CAPN5: variants seen among roughly 807,000 people sequenced by gnomAD.
The protein encoded by CAPN5 is calpain-5.
Under a neutral mutation model 73.0 loss-of-function variants are expected in CAPN5, and 54 were observed. That is an observed-to-expected ratio of 0.74 (90% CI 0.59 to 0.93). CAPN5 has a LOEUF of 0.93. CAPN5 is among the 40% of genes least tolerant of loss of function. CAPN5 has a pLI of 0.00. For synonymous variants in CAPN5, 335 were observed against 356.9 expected, an observed-to-expected ratio of 0.94 and a Z score of 0.69; for missense variants, 785 against 882.9, an observed-to-expected ratio of 0.89 and a Z score of 1.41.
chr11:77,106,957 G>T (rs1555040001), intron 3 of CAPN5, among the ~76,000 whole-genome samples: 1 of 152,232 alleles, frequency 6.6e-6, no homozygotes, highest in East Asian at 1.9e-4. Context: ...GAGACCATTA[G>T]CCTTCACATG....
At position 77,123,920 on chromosome 11, in the gene CAPN5, C is replaced by A; in HGVS notation, c.*50C>A. The A allele has an allele frequency of 6.4e-7, 1 of 1,551,874 alleles. No individual in the cohort carries two copies. The highest frequency in any genetic ancestry group is 8.8e-7 in the Non-Finnish European group (1 of 1,134,078). The stretch of plus-strand genomic sequence containing the variant: ...ACCGTTCCCACCACCATCTGCATGT[C>A]CCCACTGGGCCTGAGTCTAGCCTGG... On this transcript the variant is annotated 3_prime_UTR_variant, in exon 13 of 13. Transcript: ENST00000648180.
At chr11:77,094,187 G>C (rs1016624611) in intron 3 of CAPN5, among the ~76,000 whole-genome samples, 11 of 152,370 alleles carry the variant, frequency 7.2e-5, no homozygotes, top group African/African-American at 2.6e-4. Context: ...CAGACCTGCT[G>C]TGTGACTCAG....
intron 1 of CAPN5, among the ~76,000 whole-genome samples, chr11:77,078,813 C>T (rs1949999364): frequency 6.6e-6 from 1 of 151,868 alleles, no homozygotes; most frequent in African/African-American, 2.4e-5. Flanking sequence ...ATATTTATTC[C>T]TAAGCATTTC....
chr11:77,083,622 G>A (rs1022918729), intron 1 of CAPN5, among the ~76,000 whole-genome samples: 9 of 152,194 alleles, frequency 5.9e-5, no homozygotes, highest in South Asian at 2.1e-4. Context: ...GAAATGGGGC[G>A]TCTCTTGGGA....
At chr11:77,106,299 C>T (rs1218897545) in intron 3 of CAPN5, among the ~76,000 whole-genome samples, 3 of 149,134 alleles carry the variant, frequency 2.0e-5, no homozygotes, top group Admixed American at 6.7e-5. Context: ...GTCTCTGCCT[C>T]CCTGACACCC....
chr11:77,090,592 G>A (rs771795645), intron 2 of CAPN5, among the ~76,000 whole-genome samples: 4 of 152,232 alleles, frequency 2.6e-5, no homozygotes, highest in Non-Finnish European at 4.4e-5. Context: ...TCCTCTCTGG[G>A]ATGGGGCAGT....
At chr11:77,113,339 A>T (rs539483162) in intron 4 of CAPN5, among the ~76,000 whole-genome samples, 1 of 152,374 alleles carries the variant, frequency 6.6e-6, no homozygotes, top group Non-Finnish European at 1.5e-5. Flanking sequence ...AGAGCCCAGC[A>T]TAGAATGGGC....
chr11:77,102,756 C>T, intron 3 of CAPN5: 1 of 1,432,684 alleles, frequency 7.0e-7, no homozygotes, highest in Non-Finnish European at 9.2e-7. Context: ...TAGGTGGGGC[C>T]CCCCTTTGGT....
Position 77,088,153 on chromosome 11 carries a change from G to A in CAPN5, c.165+3102G>A, listed in dbSNP as rs1950109978. ...CTGGGTATGAGCCTGGAGGTCCTTT[G>A]GTGGAATGCACAGGGGACAAGGTGG... On this transcript the variant is annotated intron_variant, in intron 2 of 12. Transcript: ENST00000648180. 43 of 1,368,572 alleles carry A rather than the reference G, an allele frequency of 3.1e-5. 1 individual carries two copies. The South Asian group carries it at 6.2e-4, about 20-fold the overall frequency. The allele number at this position is 1,368,572 out of a possible 1,614,324, so 84.8% of individuals were successfully genotyped here.
At chr11:77,107,365 G>A (rs963736251) in intron 3 of CAPN5, among the ~76,000 whole-genome samples, 2 of 152,146 alleles carry the variant, frequency 1.3e-5, no homozygotes, top group African/African-American at 2.4e-5. Flanking sequence ...GCTCAGAAAC[G>A]CTCCGCACTG....
intron 3 of CAPN5, among the ~76,000 whole-genome samples, chr11:77,094,067 T>C (rs1950183661): frequency 6.6e-6 from 1 of 152,204 alleles, no homozygotes; most frequent in South Asian, 2.1e-4. Context: ...CCCCCAACAC[T>C]GTTGGGGACA....
intron 3 of CAPN5, among the ~76,000 whole-genome samples, chr11:77,106,431 A>G (rs1271313431): frequency 6.6e-6 from 1 of 151,844 alleles, no homozygotes; most frequent in Non-Finnish European, 1.5e-5. Flanking sequence ...ATGGCAAATG[A>G]CCCATTTTCC....
intron 1 of CAPN5, 69 bp from the exon 2 acceptor site, chr11:77,084,783 T>C: frequency 1.4e-6 from 2 of 1,393,548 alleles, no homozygotes; most frequent in Non-Finnish European, 1.0e-6. Context: ...GCTGATGATG[T>C]CCGCTTCACA....
intron 2 of CAPN5, among the ~76,000 whole-genome samples, chr11:77,086,587 C>G (rs1488649103): frequency 6.6e-6 from 1 of 152,220 alleles, no homozygotes; most frequent in Non-Finnish European, 1.5e-5. Context: ...CTTGGGCCCC[C>G]TCTCCCACGC....
chr11:77,111,268 T>C (rs1395642830), intron 3 of CAPN5, among the ~76,000 whole-genome samples: 2 of 152,126 alleles, frequency 1.3e-5, no homozygotes, highest in South Asian at 2.1e-4. Flanking sequence ...AGTGTCCAGC[T>C]TGGGGCTGGT....
At chr11:77,072,606 G>A (rs1949920517) in intron 1 of CAPN5, among the ~76,000 whole-genome samples, 1 of 152,206 alleles carries the variant, frequency 6.6e-6, no homozygotes, top group African/African-American at 2.4e-5. Context: ...TGCCCTGAAT[G>A]TCCTCTTTCC....
chr11:77,121,793 G>A, intron 10 of CAPN5, 141 bp from the exon 11 acceptor site: 1 of 551,570 alleles, frequency 1.8e-6, no homozygotes. Flanking sequence ...GACTGCCCAT[G>A]GGGATTTGCT....
intron 4 of CAPN5, 132 bp from the exon 5 acceptor site, chr11:77,114,110 C>G: frequency 1.4e-6 from 1 of 731,248 alleles, no homozygotes; most frequent in Non-Finnish European, 2.3e-6. Context: ...AGTGTTGGCT[C>G]CGCCGTGGCC....
chr11:77,071,760 C>G (rs1193047328), intron 1 of CAPN5: 2 of 408,646 alleles, frequency 4.9e-6, no homozygotes, highest in Non-Finnish European at 1.0e-5. Context: ...GGAGCAGGCG[C>G]TGGCATTCTG....
Sources: gnomAD v4.1 joint callset for allele counts (sites outside exome capture counted in the v4.1 genomes callset) on GRCh38, gnomAD v4.1.1 for gene constraint, MANE v1.5 for transcripts, NCBI Gene and HGNC (gene_info 2026-07-23, HGNC 2026-07-21) for gene names.